DGKI: variants seen among roughly 807,000 people sequenced by gnomAD.
DGKI encodes diacylglycerol kinase iota.
Under a neutral mutation model 147.5 loss-of-function variants are expected in DGKI, and 55 were observed. The observed-to-expected ratio is 0.37, with a 90% CI of 0.30 to 0.47. DGKI has a LOEUF of 0.47. Among genes scored for constraint, DGKI ranks in the 20% least tolerant of loss-of-function variants. DGKI has a pLI of 1.00. For synonymous variants in DGKI, 469 were observed against 477.1 expected (o/e 0.98, Z 0.22); for missense variants, 1,007 against 1,323.8 (o/e 0.76, Z 3.71).
intron 1 of DGKI, among the ~76,000 whole-genome samples, chr7:137,721,578 C>T (rs1794559547): frequency 6.6e-6 from 1 of 152,194 alleles, no homozygotes; most frequent in African/African-American, 2.4e-5. Flanking sequence ...CTGCCCTCCA[C>T]CTGCTTGCTT....
chr7:137,461,604 G>A (rs1814445374), intron 27 of DGKI, among the ~76,000 whole-genome samples: 1 of 152,166 alleles, frequency 6.6e-6, no homozygotes, highest in Admixed American at 6.6e-5. Flanking sequence ...TTATTATGCT[G>A]TGTCTTCTAT....
At chr7:137,693,005 T>C (rs1339713937) in intron 1 of DGKI, among the ~76,000 whole-genome samples, 1 of 152,234 alleles carries the variant, frequency 6.6e-6, no homozygotes, top group African/African-American at 2.4e-5. Context: ...TCCATTCTTT[T>C]AAATAACCAT....
At position 137,382,301 on chromosome 7, in the gene DGKI, T is replaced by A. The variant is rs1811078716; in HGVS notation, c.*8919A>T. ...AGGTCACAGTCTCTGAATTTTTAAG[T>A]GAATATATTGAGATTTGTGGGAAAA... On this transcript the variant is annotated 3_prime_UTR_variant, in exon 33 of 33. Coordinates refer to ENST00000614521, the MANE Select transcript of DGKI (RefSeq NM_001321708.2). 6.7e-6 allele frequency: 1 copy of A among 150,294 alleles called. No homozygotes were observed. The highest frequency in any genetic ancestry group is 2.5e-5 in the African/African-American group (1 of 40,514). The allele number at this position is 150,294 out of a possible 1,614,324, so 9.3% of individuals were successfully genotyped here.
chr7:137,670,359 A>T (rs914824219), intron 3 of DGKI, among the ~76,000 whole-genome samples: 2 of 152,202 alleles, frequency 1.3e-5, no homozygotes, highest in African/African-American at 4.8e-5. Flanking sequence ...TACAGACAGC[A>T]CTTGGTACCA....
chr7:137,560,402 A>G (rs1358543057), intron 19 of DGKI, among the ~76,000 whole-genome samples: 1 of 152,198 alleles, frequency 6.6e-6, no homozygotes, highest in East Asian at 1.9e-4. Flanking sequence ...ATGAATAAAA[A>G]TATTCCTAGT....
intron 6 of DGKI, among the ~76,000 whole-genome samples, chr7:137,629,912 C>T (rs534868990): frequency 6.6e-6 from 1 of 152,194 alleles, no homozygotes; most frequent in East Asian, 1.9e-4. Context: ...CTAGACTTTG[C>T]AAAACTAGGG....
intron 31 of DGKI, chr7:137,395,942 T>A (rs1406353389): frequency 2.9e-5 from 14 of 476,550 alleles, no homozygotes; most frequent in Non-Finnish European, 4.9e-5. Flanking sequence ...AGTTTAGTAA[T>A]TTTTTTAAAA....
At chr7:137,739,455 G>A (rs1360165878) in intron 1 of DGKI, among the ~76,000 whole-genome samples, 2 of 152,078 alleles carry the variant, frequency 1.3e-5, no homozygotes, top group Non-Finnish European at 2.9e-5. Flanking sequence ...GGCTCTTTCA[G>A]AGTTACGGTG....
At chr7:137,843,571 T>TTGTTAAGTAAAATA in intron 1 of DGKI, 1 of 263,826 alleles carries the variant, frequency 3.8e-6, no homozygotes, top group Non-Finnish European at 5.9e-6. Context: ...TTATTTTACT[T>TTGTTAAGTAAAATA]AACAAAGTAA....
At chr7:137,413,910 A>T (rs1812259748) in intron 28 of DGKI, among the ~76,000 whole-genome samples, 1 of 152,220 alleles carries the variant, frequency 6.6e-6, no homozygotes, top group Admixed American at 6.5e-5. Flanking sequence ...ACAGTGTATA[A>T]GCATTCCCTT....
At chr7:137,634,632 T>C (rs1308868104) in intron 6 of DGKI, among the ~76,000 whole-genome samples, 2 of 151,982 alleles carry the variant, frequency 1.3e-5, no homozygotes, top group Admixed American at 1.3e-4. Flanking sequence ...GATGCATGAG[T>C]AGGTGGCTCA....
At chr7:137,589,205 A>G (rs778498821) in intron 12 of DGKI, among the ~76,000 whole-genome samples, 1 of 152,224 alleles carries the variant, frequency 6.6e-6, no homozygotes, top group Non-Finnish European at 1.5e-5. Flanking sequence ...TCTCAAGACC[A>G]AATGATTAGA....
At chr7:137,764,404 GCCAGGATGGCTC>G in intron 1 of DGKI, among the ~76,000 whole-genome samples, 1 of 152,310 alleles carries the variant, frequency 6.6e-6, no homozygotes, top group Non-Finnish European at 1.5e-5. Flanking sequence ...TTTGCAGAGA[GCCAGGATGGCTC>G]CTGTTTAATT....
intron 2 of DGKI, among the ~76,000 whole-genome samples, chr7:137,689,198 T>A (rs544337532): frequency 1.3e-5 from 2 of 152,196 alleles, no homozygotes; most frequent in African/African-American, 4.8e-5. Context: ...AGGGAAGCCC[T>A]TCTCTCCCTT....
chr7:137,804,125 T>C (rs1206879895), intron 1 of DGKI, among the ~76,000 whole-genome samples: 1 of 152,168 alleles, frequency 6.6e-6, no homozygotes, highest in African/African-American at 2.4e-5. Context: ...AGCAAATGCC[T>C]GGCATAGAGC....
At chr7:137,838,654 C>A (rs1798457543) in intron 1 of DGKI, among the ~76,000 whole-genome samples, 1 of 152,134 alleles carries the variant, frequency 6.6e-6, no homozygotes, top group Admixed American at 6.5e-5. Flanking sequence ...CAAAAGCAGT[C>A]CAACTGTCTT....
At chr7:137,797,494 A>G (rs1218403625) in intron 1 of DGKI, among the ~76,000 whole-genome samples, 1 of 152,196 alleles carries the variant, frequency 6.6e-6, no homozygotes, top group African/African-American at 2.4e-5. Context: ...TGATATAGTT[A>G]TAATGTGTAA....
chr7:137,784,240 T>C (rs1333637186), intron 1 of DGKI, among the ~76,000 whole-genome samples: 3 of 152,084 alleles, frequency 2.0e-5, no homozygotes, highest in Non-Finnish European at 4.4e-5. Flanking sequence ...ACCTGACACA[T>C]AAGGACTCAG....
intron 17 of DGKI, among the ~76,000 whole-genome samples, chr7:137,576,634 C>T (rs1818987938): frequency 6.6e-6 from 1 of 152,096 alleles, no homozygotes; most frequent in South Asian, 2.1e-4. Context: ...ATTTCCGCAA[C>T]CTGATATAGA....
Sources: gnomAD v4.1 joint callset for allele counts (sites outside exome capture counted in the v4.1 genomes callset) on GRCh38, gnomAD v4.1.1 for gene constraint, MANE v1.5 for transcripts, NCBI Gene and HGNC (gene_info 2026-07-23, HGNC 2026-07-21) for gene names.